Variants in GALNTL6 observed in about 807,000 individuals in gnomAD.
GALNTL6 encodes the protein polypeptide N-acetylgalactosaminyltransferase like 6.
A neutral mutation model predicts 73.7 loss-of-function variants in GALNTL6; 46 were observed. The observed-to-expected ratio is 0.62, with a 90% confidence interval of 0.49 to 0.80. GALNTL6 has a LOEUF of 0.80. GALNTL6 is among the 30% of genes least tolerant of loss of function. The probability of loss-of-function intolerance (pLI) is 0.00; values close to 1 mark genes in which losing one functional copy is unlikely to be tolerated. For synonymous variants in GALNTL6, 259 were observed against 263.7 expected (o/e 0.98, Z 0.17); for missense variants, 604 against 755.0 (o/e 0.80, Z 2.34).
At chr4:172,009,994 C>T (rs1740956190) in intron 2 of GALNTL6, among the ~76,000 whole-genome samples, 1 of 152,124 alleles carries the variant, frequency 6.6e-6, no homozygotes, top group Non-Finnish European at 1.5e-5. Context: ...GAACAATCAA[C>T]ACAATTAGGG....
chr4:172,945,733 A>T (rs1322081535), intron 9 of GALNTL6, among the ~76,000 whole-genome samples: 1 of 152,208 alleles, frequency 6.6e-6, no homozygotes, highest in African/African-American at 2.4e-5. Flanking sequence ...CCTGTCAGAG[A>T]AGCTCTGTTT....
At chr4:171,996,254 T>G (rs1740480219) in intron 2 of GALNTL6, among the ~76,000 whole-genome samples, 1 of 152,120 alleles carries the variant, frequency 6.6e-6, no homozygotes, top group Non-Finnish European at 1.5e-5. Flanking sequence ...AATTTCCAAA[T>G]TTATAAATTA....
chr4:172,018,760 C>A (rs916352930), intron 2 of GALNTL6, among the ~76,000 whole-genome samples: 2 of 152,110 alleles, frequency 1.3e-5, no homozygotes, highest in African/African-American at 4.8e-5. Flanking sequence ...CAGGTTCATG[C>A]CCAATCAATA....
At chr4:171,877,557 G>A (rs770599716) in intron 2 of GALNTL6, among the ~76,000 whole-genome samples, 1 of 151,492 alleles carries the variant, frequency 6.6e-6, no homozygotes, top group Non-Finnish European at 1.5e-5. Flanking sequence ...GTTAAAAAGT[G>A]TTTTGTTTTG....
At chr4:172,898,226 T>A (rs2111231966) in intron 8 of GALNTL6, among the ~76,000 whole-genome samples, 1 of 152,082 alleles carries the variant, frequency 6.6e-6, no homozygotes, top group East Asian at 1.9e-4. Context: ...ACAATTTTTT[T>A]ATTATTTTTA....
At chr4:171,961,841 G>T (rs955705981) in intron 2 of GALNTL6, among the ~76,000 whole-genome samples, 1 of 152,134 alleles carries the variant, frequency 6.6e-6, no homozygotes, top group African/African-American at 2.4e-5. Flanking sequence ...CTATCAGCTT[G>T]GTTCCAACAG....
chr4:172,972,279 T>C lies in GALNTL6; in HGVS notation c.1371+20021T>C, dbSNP rs147959988. ...ATAAGGATGTATAGAACCTAAACCATGTCATCAATAATGTAGATCTAATAT... is the reference window on the plus strand; with the variant it reads ...ATAAGGATGTATAGAACCTAAACCACGTCATCAATAATGTAGATCTAATAT... On this transcript the variant is annotated intron_variant, in intron 10 of 12. Coordinates refer to ENST00000506823, the MANE Select transcript of GALNTL6 (RefSeq NM_001034845.3). 1.6e-4 allele frequency among the ~76,000 whole-genome samples: 24 copies of C among 152,280 alleles called. No homozygotes were observed. In the East Asian group the frequency reaches 4.6e-3, roughly 29 times the overall value.
intron 2 of GALNTL6, among the ~76,000 whole-genome samples, chr4:172,095,766 C>T (rs1732334326): frequency 6.6e-6 from 1 of 152,004 alleles, no homozygotes; most frequent in Non-Finnish European, 1.5e-5. Context: ...AATCTCATTT[C>T]TCTGTGGTAA....
chr4:172,115,058 T>C (rs2110986248), intron 2 of GALNTL6, among the ~76,000 whole-genome samples: 1 of 152,236 alleles, frequency 6.6e-6, no homozygotes, highest in South Asian at 2.1e-4. Context: ...ATAATGAGAT[T>C]TCATTGTGAA....
chr4:172,243,191 C>A (rs1737507804), intron 3 of GALNTL6, among the ~76,000 whole-genome samples: 1 of 152,154 alleles, frequency 6.6e-6, no homozygotes, highest in South Asian at 2.1e-4. Context: ...TCACTTGCTG[C>A]TCTTGCTACT....
chr4:171,897,020 T>C (rs1219361537), intron 2 of GALNTL6, among the ~76,000 whole-genome samples: 3 of 106,490 alleles, frequency 2.8e-5, no homozygotes, highest in Non-Finnish European at 5.9e-5. Flanking sequence ...CAATAAATTA[T>C]ATTAAATATT....
chr4:172,201,682 A>G (rs1291063834), intron 2 of GALNTL6, among the ~76,000 whole-genome samples: 5 of 152,150 alleles, frequency 3.3e-5, no homozygotes, highest in Non-Finnish European at 7.3e-5. Context: ...TGAAAGATAG[A>G]ATATTTGTTG....
At chr4:172,719,227 A>G (rs1013002690) in intron 5 of GALNTL6, among the ~76,000 whole-genome samples, 1 of 152,214 alleles carries the variant, frequency 6.6e-6, no homozygotes. Context: ...CTGTCTGCAC[A>G]CCCAAATCTC....
At chr4:172,209,993 G>C (rs1736272135) in intron 2 of GALNTL6, among the ~76,000 whole-genome samples, 1 of 151,958 alleles carries the variant, frequency 6.6e-6, no homozygotes, top group African/African-American at 2.4e-5. Flanking sequence ...TTACTTAACA[G>C]TTATTAATTA....
intron 9 of GALNTL6, among the ~76,000 whole-genome samples, chr4:172,941,758 A>G (rs1443527392): frequency 1.3e-5 from 2 of 152,222 alleles, no homozygotes; most frequent in Non-Finnish European, 2.9e-5. Context: ...CATAATCTCA[A>G]TAACCGAAAA....
chr4:172,206,784 TTTGTTTTGTTTTGTTTTTCTG>T (rs1176047581), intron 2 of GALNTL6, among the ~76,000 whole-genome samples: 1 of 55,226 alleles, frequency 1.8e-5, no homozygotes. Flanking sequence ...TGTTTTTTGT[TTTGTTTTGTTTTGTTTTTCTG>T]TTTTTTTTGT....
At chr4:172,924,531 G>A (rs1470247511) in intron 8 of GALNTL6, among the ~76,000 whole-genome samples, 3 of 152,160 alleles carry the variant, frequency 2.0e-5, no homozygotes, top group African/African-American at 7.2e-5. Context: ...AACCAAATCT[G>A]GGGGCTCAGT....
intron 12 of GALNTL6, among the ~76,000 whole-genome samples, chr4:173,032,205 T>C (rs965820728): frequency 6.6e-5 from 10 of 152,172 alleles, no homozygotes; most frequent in African/African-American, 2.2e-4. Context: ...ATCCCAGCAC[T>C]TTGGGAGGCC....
chr4:173,006,263 T>C (rs909110716), intron 10 of GALNTL6, among the ~76,000 whole-genome samples: 2 of 152,190 alleles, frequency 1.3e-5, no homozygotes, highest in Admixed American at 6.5e-5. Flanking sequence ...CTTGAAGTTG[T>C]CTTCAGTATA....
Sources: gnomAD v4.1 joint callset for allele counts (sites outside exome capture counted in the v4.1 genomes callset) on GRCh38, gnomAD v4.1.1 for gene constraint, MANE v1.5 for transcripts, NCBI Gene and HGNC (gene_info 2026-07-23, HGNC 2026-07-21) for gene names.